The following FAM120A variants were observed in gnomAD, a reference collection of about 807,000 sequenced individuals.
FAM120A encodes the protein constitutive coactivator of PPAR-gamma-like protein 1.
In FAM120A, 15 loss-of-function variants were observed where a neutral mutation model predicts 109.7. The ratio of observed to expected loss-of-function variants is 0.14; its 90% CI spans 0.09 to 0.21. The LOEUF (loss-of-function observed/expected upper bound fraction) is 0.21, where lower values mean the gene tolerates loss of function less well. Among genes scored for constraint, FAM120A ranks in the 10% least tolerant of loss-of-function variants. The pLI is 1.00. For synonymous variants in FAM120A, 493 were observed against 572.8 expected (o/e 0.86, Z 1.99); for missense variants, 899 against 1,439.3 (o/e 0.62, Z 6.07).
chr9:93,549,042 C>A (rs1168365830), intron 11 of FAM120A, among the ~76,000 whole-genome samples: 3 of 150,122 alleles, frequency 2.0e-5, no homozygotes, highest in Non-Finnish European at 3.0e-5. Flanking sequence ...GACTCCATCT[C>A]AAAAAAAACA....
Position 93,451,699 on chromosome 9 carries a change from G to C in FAM120A, c.-217G>C. 7 of 978,324 alleles carry C rather than the reference G, an allele frequency of 7.2e-6. No homozygotes were observed. The highest frequency in any genetic ancestry group is 8.4e-6 in the Non-Finnish European group (7 of 829,258). The allele number at this position is 978,324 out of a possible 1,614,324, so 60.6% of individuals were successfully genotyped here. ...TCGGCCTCGGCCTCGGCCTCGCAGC[G>C]GCGGCAGCGGCGGCGGCGGCAGGTC... On this transcript the variant is annotated 5_prime_UTR_variant, in exon 1 of 18. Transcript: ENST00000277165.
At chr9:93,476,727 A>T (rs140922973) in intron 3 of FAM120A, among the ~76,000 whole-genome samples, 67 of 152,332 alleles carry the variant, frequency 4.4e-4, no homozygotes, top group African/African-American at 1.6e-3. Context: ...AAATTTCATA[A>T]CTAATTTTCT....
chr9:93,517,527 A>G (rs907697406), intron 7 of FAM120A, among the ~76,000 whole-genome samples: 1 of 152,244 alleles, frequency 6.6e-6, no homozygotes, highest in African/African-American at 2.4e-5. Flanking sequence ...TTTCTAAGGC[A>G]TGTGCATTTT....
intron 12 of FAM120A, among the ~76,000 whole-genome samples, chr9:93,554,224 A>G (rs934348281): frequency 3.3e-5 from 5 of 150,100 alleles, no homozygotes; most frequent in Non-Finnish European, 7.4e-5. Flanking sequence ...GGAGATTAAT[A>G]GTTTTAACTA....
chr9:93,468,412 A>C (rs1031320639), intron 1 of FAM120A, among the ~76,000 whole-genome samples: 8 of 152,334 alleles, frequency 5.3e-5, no homozygotes, highest in African/African-American at 1.4e-4. Flanking sequence ...AGAGACATAT[A>C]TGTAAAAGAA....
At chr9:93,561,785 TAATTAACCATACAATTTTC>T (rs1046388001) in intron 16 of FAM120A, among the ~76,000 whole-genome samples, 1 of 152,118 alleles carries the variant, frequency 6.6e-6, no homozygotes, top group Non-Finnish European at 1.5e-5. Context: ...AATTATTAAA[TAATTAACCATACAATTTTC>T]AATTAACCAG....
At chr9:93,558,852 T>A in intron 15 of FAM120A, 134 bp downstream of exon 15, 2 of 1,010,676 alleles carry the variant, frequency 2.0e-6, no homozygotes, top group Non-Finnish European at 2.9e-6. Flanking sequence ...GGGTCCCCGC[T>A]CTGACCCTCA....
chr9:93,534,124 A>G (rs894979238), intron 10 of FAM120A, among the ~76,000 whole-genome samples: 18 of 152,080 alleles, frequency 1.2e-4, no homozygotes, highest in African/African-American at 3.9e-4. Flanking sequence ...GGTGCTTCTC[A>G]TGCTAGCTCC....
At chr9:93,557,635 G>A (rs961224383) in intron 13 of FAM120A, among the ~76,000 whole-genome samples, 192 bp from the exon 14 acceptor site, 1 of 152,196 alleles carries the variant, frequency 6.6e-6, no homozygotes, top group African/African-American at 2.4e-5. Context: ...CAGACGACCA[G>A]AAAACTGCCA....
chr9:93,533,828 C>T (rs1861421505), intron 10 of FAM120A, among the ~76,000 whole-genome samples: 1 of 152,202 alleles, frequency 6.6e-6, no homozygotes, highest in East Asian at 1.9e-4. Context: ...CAGCGCACTG[C>T]AGTGGCTTCA....
intron 5 of FAM120A, among the ~76,000 whole-genome samples, chr9:93,505,668 G>A (rs188385290): frequency 3.3e-5 from 5 of 152,280 alleles, no homozygotes; most frequent in Admixed American, 2.0e-4. Flanking sequence ...CAGATGACAC[G>A]CAATAGGCTG....
intron 2 of FAM120A, among the ~76,000 whole-genome samples, chr9:93,475,004 G>A (rs1858487384): frequency 6.6e-6 from 1 of 152,166 alleles, no homozygotes; most frequent in Admixed American, 6.5e-5. Context: ...GGACATCACG[G>A]GAGTTCAGTA....
At chr9:93,487,452 G>C (rs902804586) in intron 3 of FAM120A, among the ~76,000 whole-genome samples, 1 of 152,166 alleles carries the variant, frequency 6.6e-6, no homozygotes, top group African/African-American at 2.4e-5. Flanking sequence ...ATGAGCCACC[G>C]CACCTGGCCT....
chr9:93,502,426 A>C (rs1859841964), intron 5 of FAM120A, among the ~76,000 whole-genome samples: 2 of 152,160 alleles, frequency 1.3e-5, no homozygotes, highest in Non-Finnish European at 2.9e-5. Context: ...GCTAGGTACC[A>C]GTTGGCCTGG....
intron 8 of FAM120A, among the ~76,000 whole-genome samples, chr9:93,528,985 A>G (rs751258632): frequency 1.3e-4 from 20 of 152,210 alleles, no homozygotes; most frequent in Non-Finnish European, 2.2e-4. Flanking sequence ...AAACACAGGA[A>G]TGGACCACAT....
intron 5 of FAM120A, among the ~76,000 whole-genome samples, chr9:93,499,203 A>T (rs1299950302): frequency 6.6e-6 from 1 of 152,036 alleles, no homozygotes; most frequent in Non-Finnish European, 1.5e-5. Flanking sequence ...CTGAGGACGT[A>T]GAAGGGCCTC....
chr9:93,517,798 A>G (rs1860665548), intron 7 of FAM120A, among the ~76,000 whole-genome samples: 1 of 151,828 alleles, frequency 6.6e-6, no homozygotes, highest in African/African-American at 2.4e-5. Context: ...GTGGGGAGGG[A>G]TTGAGAAGAA....
intron 7 of FAM120A, among the ~76,000 whole-genome samples, chr9:93,523,936 C>G (rs1038234424): frequency 2.6e-5 from 4 of 152,222 alleles, no homozygotes; most frequent in African/African-American, 7.2e-5. Flanking sequence ...CACCCAGATA[C>G]TGGTGCTTCT....
At chr9:93,453,828 G>A (rs1286117824) in intron 1 of FAM120A, among the ~76,000 whole-genome samples, 1 of 152,164 alleles carries the variant, frequency 6.6e-6, no homozygotes, top group Non-Finnish European at 1.5e-5. Context: ...CTAATAGAGC[G>A]TAAAAGTGTT....
Sources: gnomAD v4.1 joint callset for allele counts (sites outside exome capture counted in the v4.1 genomes callset) on GRCh38, gnomAD v4.1.1 for gene constraint, MANE v1.5 for transcripts, NCBI Gene and HGNC (gene_info 2026-07-23, HGNC 2026-07-21) for gene names.